Variants in SUPT3H observed in about 807,000 individuals in gnomAD.
The protein encoded by SUPT3H is SPT3 homolog, SAGA and STAGA complex component, also known as transcription initiation protein SPT3 homolog.
A neutral mutation model predicts 44.3 loss-of-function variants in SUPT3H; 44 were observed. That is an observed-to-expected ratio of 0.99 (90% CI 0.78 to 1.28). The LOEUF is 1.28. Among genes scored for constraint, SUPT3H ranks in the 50% most tolerant of loss-of-function variants. The probability of loss-of-function intolerance (pLI) is 0.00; values close to 1 mark genes in which losing one functional copy is unlikely to be tolerated. For missense variants in SUPT3H, 380 were observed against 387.1 expected (o/e 0.98, Z 0.15); for synonymous variants, 124 against 125.6 (o/e 0.99, Z 0.09).
chr6:45,209,998 T>A (rs1224257569), intron 2 of SUPT3H, among the ~76,000 whole-genome samples: 2 of 152,110 alleles, frequency 1.3e-5, no homozygotes, highest in African/African-American at 4.8e-5. Context: ...AAGGCTCAGA[T>A]GATATCAGCA....
intron 10 of SUPT3H, among the ~76,000 whole-genome samples, chr6:44,904,854 G>A (rs1765720878): frequency 6.6e-6 from 1 of 152,174 alleles, no homozygotes; most frequent in Non-Finnish European, 1.5e-5. Context: ...AGAGCCCTCA[G>A]AAATAATGCC....
intron 3 of SUPT3H, among the ~76,000 whole-genome samples, chr6:45,031,688 G>A (rs1016628166): frequency 5.9e-5 from 9 of 152,088 alleles, no homozygotes; most frequent in Non-Finnish European, 1.0e-4. Flanking sequence ...TTAACCCTGG[G>A]TATAGTTTTG....
At chr6:45,188,856 G>A (rs1274134234) in intron 2 of SUPT3H, among the ~76,000 whole-genome samples, 3 of 152,080 alleles carry the variant, frequency 2.0e-5, no homozygotes, top group African/African-American at 4.8e-5. Flanking sequence ...TTGAGTTCAC[G>A]TCATTGCAGA....
chr6:45,307,046 T>G lies in SUPT3H; in HGVS notation c.101+58155A>C, dbSNP rs191183967. Among the ~76,000 whole-genome samples, 548 of 152,248 alleles carry G rather than the reference T, an allele frequency of 3.6e-3. 3 individuals are homozygous for G. Among genetic ancestry groups the G allele is most frequent in the African/African-American group, 0.012 (514 of 41,560 alleles). On this transcript the variant is annotated intron_variant, in intron 2 of 10. Coordinates refer to ENST00000371459, the MANE Select transcript of SUPT3H (RefSeq NM_003599.4). ...CTAGCACAGCTGTCTGAGATCAAACTGCAAGGCGGCAGCAAGGCTGGGGGA... is the reference window on the plus strand; with the variant it reads ...CTAGCACAGCTGTCTGAGATCAAACGGCAAGGCGGCAGCAAGGCTGGGGGA...
intron 10 of SUPT3H, among the ~76,000 whole-genome samples, chr6:44,832,802 T>C (rs1040147371): frequency 4.6e-5 from 7 of 152,134 alleles, no homozygotes; most frequent in Non-Finnish European, 1.0e-4. Context: ...ATACAGATTT[T>C]ACCTACTGCA....
chr6:44,839,053 T>C (rs971679972), intron 10 of SUPT3H, among the ~76,000 whole-genome samples: 1 of 152,234 alleles, frequency 6.6e-6, no homozygotes, highest in African/African-American at 2.4e-5. Flanking sequence ...AGAGCTATCA[T>C]ATTAAATGAC....
At chr6:44,825,641 G>C (rs1767686316), downstream of SUPT3H, among the ~76,000 whole-genome samples, 1 of 152,190 alleles carries the variant, frequency 6.6e-6, no homozygotes, top group Non-Finnish European at 1.5e-5. Context: ...AAACTGCTTA[G>C]TACACAGGGT....
chr6:45,113,922 C>A (rs1220932221), intron 2 of SUPT3H, among the ~76,000 whole-genome samples: 1 of 151,556 alleles, frequency 6.6e-6, no homozygotes, highest in Non-Finnish European at 1.5e-5. Context: ...TTCTCAACAA[C>A]CATTTCCCCA....
intron 10 of SUPT3H, among the ~76,000 whole-genome samples, chr6:44,890,943 A>T (rs139560031): frequency 0.02 from 3,073 of 151,740 alleles, 40 homozygotes; most frequent in Non-Finnish European, 0.032. Context: ...GAACACAAGG[A>T]CACAGGAAGG....
intron 10 of SUPT3H, among the ~76,000 whole-genome samples, chr6:44,868,620 G>A (rs989225446): frequency 1.3e-5 from 2 of 152,140 alleles, no homozygotes; most frequent in African/African-American, 4.8e-5. Context: ...CTCTGCTGCT[G>A]GGAGTCTTGA....
intron 2 of SUPT3H, among the ~76,000 whole-genome samples, chr6:45,150,726 T>TTG (rs1288046773): frequency 7.2e-6 from 1 of 139,682 alleles, no homozygotes; most frequent in Non-Finnish European, 1.6e-5. Context: ...CTGCGTTTTT[T>TTG]TTTTTTTTTT....
chr6:45,018,743 G>C (rs559092009), intron 4 of SUPT3H, among the ~76,000 whole-genome samples: 3 of 152,016 alleles, frequency 2.0e-5, no homozygotes, highest in African/African-American at 7.2e-5. Context: ...GCTGGATTCA[G>C]TTTGCCAGTA....
intron 2 of SUPT3H, among the ~76,000 whole-genome samples, chr6:45,258,851 C>T (rs942023160): frequency 7.2e-5 from 11 of 152,134 alleles, no homozygotes; most frequent in Non-Finnish European, 1.6e-4. Context: ...TTTTAAGTTA[C>T]AAGGCTTCAA....
chr6:44,856,280 T>C (rs1038712416), intron 10 of SUPT3H, among the ~76,000 whole-genome samples: 2 of 152,172 alleles, frequency 1.3e-5, no homozygotes, highest in South Asian at 2.1e-4. Context: ...ATGTGGCCAC[T>C]GCATCTTTAA....
intron 5 of SUPT3H, among the ~76,000 whole-genome samples, chr6:45,004,384 T>C (rs1333803966): frequency 1.3e-5 from 2 of 152,006 alleles, no homozygotes; most frequent in Admixed American, 6.6e-5. Context: ...TCTGAATATA[T>C]ATATTTTTAA....
chr6:45,063,152 C>A (rs1390477143), intron 3 of SUPT3H, among the ~76,000 whole-genome samples: 2 of 145,700 alleles, frequency 1.4e-5, no homozygotes, highest in Middle Eastern at 3.4e-3. Flanking sequence ...GGTCCCTGAC[C>A]CCTGACCCCC....
chr6:45,340,762 A>G (rs2150131509), intron 2 of SUPT3H, among the ~76,000 whole-genome samples: 1 of 152,198 alleles, frequency 6.6e-6, no homozygotes, highest in East Asian at 1.9e-4. Context: ...GTAAAAAATT[A>G]AACACTTAAA....
chr6:45,343,251 T>C (rs915169687), intron 2 of SUPT3H, among the ~76,000 whole-genome samples: 2 of 152,136 alleles, frequency 1.3e-5, no homozygotes, highest in African/African-American at 2.4e-5. Context: ...GGCTCACACC[T>C]GTAATCCCAG....
chr6:45,175,334 G>T (rs1045871887), intron 2 of SUPT3H, among the ~76,000 whole-genome samples: 4 of 152,074 alleles, frequency 2.6e-5, no homozygotes, highest in African/African-American at 9.7e-5. Context: ...TGGGGAGGCC[G>T]CAGGAAACTT....
Sources: allele counts gnomAD v4.1 joint callset (sites outside exome capture counted in the v4.1 genomes callset), GRCh38; gene constraint gnomAD v4.1.1; transcripts MANE v1.5; gene names NCBI Gene and HGNC (gene_info 2026-07-23, HGNC 2026-07-21).